Variants in TAB2 observed in about 807,000 individuals in gnomAD.
The protein encoded by TAB2 is TGF-beta activated kinase 1 (MAP3K7) binding protein 2.
Under a neutral mutation model 65.0 loss-of-function variants are expected in TAB2, and 3 were observed. That is an observed-to-expected ratio of 0.05 (90% CI 0.02 to 0.12). The LOEUF (loss-of-function observed/expected upper bound fraction) is 0.12. Ranked by LOEUF, TAB2 falls within the 10% of genes least tolerant of loss-of-function variation. The pLI, the probability that TAB2 is intolerant of heterozygous loss-of-function variation, is 1.00. For missense variants in TAB2, 623 were observed against 840.3 expected, an observed-to-expected ratio of 0.74 and a Z score of 3.20; for synonymous variants, 298 against 285.1, an observed-to-expected ratio of 1.05 and a Z score of -0.46.
chr6:149,309,310 AC>A (rs1779126158), intron 1 of TAB2, among the ~76,000 whole-genome samples: 1 of 149,728 alleles, frequency 6.7e-6, no homozygotes. Flanking sequence ...CAAACCCTTT[AC>A]ATATGTTCAT....
intron 1 of TAB2, among the ~76,000 whole-genome samples, chr6:149,342,163 T>C (rs1049773202): frequency 5.9e-5 from 9 of 152,190 alleles, no homozygotes; most frequent in African/African-American, 2.2e-4. Flanking sequence ...TTACCAAGTA[T>C]TTTTAAAAAT....
chr6:149,224,717 C>T (rs1777230628), intron 1 of TAB2, among the ~76,000 whole-genome samples: 1 of 152,178 alleles, frequency 6.6e-6, no homozygotes. Context: ...GAAACCAGTC[C>T]TAAAATGGCA....
rs1447824208 is a variant in TAB2, at chr6:149,242,397, A to G, written c.-121+23621A>G. On this transcript the variant is annotated intron_variant, in intron 1 of 1. Transcript: ENST00000606202. ...CTTTAAGTATAAACTAAAGCCTATTAGCACTTTGAAATCTAAATAAACCTA... is the reference window on the plus strand; with the variant it reads ...CTTTAAGTATAAACTAAAGCCTATTGGCACTTTGAAATCTAAATAAACCTA... Among the ~76,000 whole-genome samples, 5 of 152,238 alleles carry G rather than the reference A, an allele frequency of 3.3e-5. No individual in the cohort carries two copies. The East Asian group carries it at 9.6e-4, about 29-fold the overall frequency.
chr6:149,392,645 T>C lies in TAB2; in HGVS notation c.1604-4959T>C, dbSNP rs115745859. On this transcript the variant is annotated intron_variant, in intron 3 of 6. Transcript: ENST00000637181. Reference sequence around the variant, plus strand: ...ACTTCAGCTTTCTCCACTCCTTCATTCAGCTGTCATTTCATCTGCTTCTAG... The same window carrying C: ...ACTTCAGCTTTCTCCACTCCTTCATCCAGCTGTCATTTCATCTGCTTCTAG... Among the ~76,000 whole-genome samples the C allele has an allele frequency of 4.6e-3, 693 of 150,348 alleles. 5 individuals carry two copies. Among genetic ancestry groups the C allele is most frequent in the African/African-American group, 0.017 (671 of 39,780 alleles).
chr6:149,261,490 G>A (rs1024692163), intron 1 of TAB2, among the ~76,000 whole-genome samples: 7 of 152,218 alleles, frequency 4.6e-5, no homozygotes, highest in Non-Finnish European at 8.8e-5. Context: ...ATGATTCTAA[G>A]GTTTCTATTA....
chr6:149,353,927 T>C lies in TAB2; in HGVS notation c.-89-15982T>C, dbSNP rs114372553. Among the ~76,000 whole-genome samples, 680 of 152,298 alleles carry C rather than the reference T, an allele frequency of 4.5e-3. 7 individuals carry two copies. Among genetic ancestry groups the C allele is most frequent in the African/African-American group, 0.016 (651 of 41,574 alleles). On this transcript the variant is annotated intron_variant, in intron 1 of 6. Transcript: ENST00000637181. ...ATATGTAAAGAGACATACATACACG[T>C]ATATGTTTTTTAACCCACTAAAACT...
intron 1 of TAB2, among the ~76,000 whole-genome samples, chr6:149,352,542 C>A (rs1371617452): frequency 6.6e-6 from 1 of 152,060 alleles, no homozygotes; most frequent in East Asian, 1.9e-4. Context: ...AATTCCACAC[C>A]CCTTTCCATC....
At chr6:149,343,218 T>C (rs1780184410) in intron 1 of TAB2, among the ~76,000 whole-genome samples, 1 of 152,332 alleles carries the variant, frequency 6.6e-6, no homozygotes, top group Admixed American at 6.5e-5. Flanking sequence ...ACTACTTCCC[T>C]CTTCCTGAGA....
chr6:149,321,141 G>A (rs2114727842), intron 1 of TAB2: 1 of 152,208 alleles, frequency 6.6e-6, no homozygotes, highest in Non-Finnish European at 1.5e-5. Context: ...GTACAAAGGA[G>A]ATTGTCTCTG....
At chr6:149,305,447 A>G (rs1320410954) in intron 1 of TAB2, among the ~76,000 whole-genome samples, 2 of 152,162 alleles carry the variant, frequency 1.3e-5, no homozygotes, top group African/African-American at 4.8e-5. Context: ...ATCTCACAAG[A>G]CTGTTCAGAC....
In TAB2 at chr6:149,275,286, A is replaced by AAGAAAGAAAGAAAGAT. The variant is rs1554255842; in HGVS notation, c.-121+56525_-121+56526insTAGAAAGAAAGAAAGA. Among the ~76,000 whole-genome samples the AAGAAAGAAAGAAAGAT allele has an allele frequency of 3.1e-3, 448 of 146,688 alleles. 7 individuals are homozygous for AAGAAAGAAAGAAAGAT. The highest frequency in any genetic ancestry group is 0.011 in the African/African-American group (422 of 40,008). The stretch of plus-strand genomic sequence containing the variant: ...AAAGAAAGAAAGAAAGAAAGAAAGA[A>AAGAAAGAAAGAAAGAT]AGAAAGAAAGAAAGAGAAAAAAGAA... On this transcript the variant is annotated intron_variant, in intron 1 of 1. Transcript: ENST00000606202.
At chr6:149,237,672 TC>T (rs1371342729) in intron 1 of TAB2, among the ~76,000 whole-genome samples, 1 of 152,136 alleles carries the variant, frequency 6.6e-6, no homozygotes, top group Non-Finnish European at 1.5e-5. Context: ...AGCTACTACT[TC>T]CTAGAACTCA....
chr6:149,235,206 C>T (rs1777474001), intron 1 of TAB2, among the ~76,000 whole-genome samples: 1 of 152,218 alleles, frequency 6.6e-6, no homozygotes, highest in Admixed American at 6.5e-5. Flanking sequence ...ATAATCTGAA[C>T]TGGCTGAAAC....
intron 1 of TAB2, among the ~76,000 whole-genome samples, chr6:149,352,068 G>T (rs1028359834): frequency 6.6e-6 from 1 of 152,006 alleles, no homozygotes; most frequent in Non-Finnish European, 1.5e-5. Flanking sequence ...AATAGTAAAG[G>T]CCAATACTTT....
chr6:149,392,236 G>T (rs1382190523), intron 3 of TAB2, among the ~76,000 whole-genome samples: 1 of 151,970 alleles, frequency 6.6e-6, no homozygotes, highest in Non-Finnish European at 1.5e-5. Flanking sequence ...CACCTCCCAG[G>T]TTCAAACAGT....
chr6:149,403,283 TACACAC>T lies in TAB2; in HGVS notation c.1939+4107_1939+4112del, dbSNP rs1165709961. On this transcript the variant is annotated intron_variant, in intron 6 of 6. Transcript: ENST00000637181. ...ATATATATATATATATATATATATA[TACACAC>T]ACACACATATATATATATATATATA... Among the ~76,000 whole-genome samples, 29 of 24,554 alleles carry T rather than the reference TACACAC, an allele frequency of 1.2e-3. 1 individual carries two copies. Among genetic ancestry groups the T allele is most frequent in the African/African-American group, 5.4e-3 (28 of 5,198 alleles). 16.1% of individuals were successfully genotyped at this position (24,554 alleles called of 152,430 possible).
At chr6:149,356,161 G>C (rs1217274409) in intron 1 of TAB2, among the ~76,000 whole-genome samples, 1 of 152,104 alleles carries the variant, frequency 6.6e-6, no homozygotes, top group Non-Finnish European at 1.5e-5. Flanking sequence ...TCTAACTAAA[G>C]GTAATGGTAG....
At position 149,219,480 on chromosome 6, in the gene TAB2, G is replaced by A. The variant is rs144736970; in HGVS notation, c.-121+704G>A. Among the ~76,000 whole-genome samples the A allele has an allele frequency of 5.2e-3, 790 of 152,236 alleles. 9 individuals are homozygous for A. Among genetic ancestry groups the A allele is most frequent in the African/African-American group, 0.018 (762 of 41,552 alleles). On this transcript the variant is annotated intron_variant, in intron 1 of 1. Transcript: ENST00000606202. ...TGCCCAGATTGCCCGCTAGTAAAGT[G>A]GCCTTATTGAGATACCAACTGAGTT...
chr6:149,379,641 G>C lies in TAB2; in HGVS notation c.1603+123G>C, dbSNP rs952546307. ...TTGTTTAAATATTGCCCCAAATGAT[G>C]TTATTGTAACATTTGAGAGTATTAT... On this transcript the variant is annotated intron_variant, in intron 3 of 6. Coordinates refer to ENST00000637181, the MANE Select transcript of TAB2 (RefSeq NM_001292034.3). 6.8e-6 allele frequency: 6 copies of C among 884,548 alleles called. No homozygotes were observed. In the African/African-American group the frequency reaches 1.0e-4, roughly 15 times the overall value. The allele number at this position is 884,548 out of a possible 1,614,324, so 54.8% of individuals were successfully genotyped here.
Sources: gnomAD v4.1 joint callset for allele counts (sites outside exome capture counted in the v4.1 genomes callset) on GRCh38, gnomAD v4.1.1 for gene constraint, MANE v1.5 for transcripts, NCBI Gene and HGNC (gene_info 2026-07-23, HGNC 2026-07-21) for gene names.